KCNK10: variants seen among roughly 807,000 people sequenced by gnomAD.
KCNK10 encodes potassium two pore domain channel subfamily K member 10.
A neutral mutation model predicts 47.7 loss-of-function variants in KCNK10; 25 were observed. The observed-to-expected ratio is 0.52, with a 90% CI of 0.38 to 0.73. The LOEUF (loss-of-function observed/expected upper bound fraction) is 0.73. Ranked by LOEUF, KCNK10 falls within the 30% of genes least tolerant of loss-of-function variation. The pLI is 0.00. For synonymous variants in KCNK10, 303 were observed against 285.6 expected, an observed-to-expected ratio of 1.06 and a Z score of -0.61; for missense variants, 563 against 714.5, an observed-to-expected ratio of 0.79 and a Z score of 2.42.
chr14:88,217,043 G>A (rs1885644228), intron 4 of KCNK10, among the ~76,000 whole-genome samples: 1 of 152,198 alleles, frequency 6.6e-6, no homozygotes, highest in Non-Finnish European at 1.5e-5. Context: ...TGTAGCCGCA[G>A]CTACTCAGGA....
chr14:88,317,992 C>T (rs944571559), intron 1 of KCNK10, among the ~76,000 whole-genome samples: 1 of 152,212 alleles, frequency 6.6e-6, no homozygotes, highest in Non-Finnish European at 1.5e-5. Flanking sequence ...ACCATATCTT[C>T]AGCAGGCTAG....
chr14:88,188,441 CT>C (rs1350602921), intron 5 of KCNK10, among the ~76,000 whole-genome samples: 2 of 152,188 alleles, frequency 1.3e-5, no homozygotes, highest in Admixed American at 6.5e-5. Context: ...CAGATCAGGC[CT>C]GGTTGTCATT....
intron 1 of KCNK10, among the ~76,000 whole-genome samples, chr14:88,268,680 C>T (rs760297981): frequency 3.5e-4 from 54 of 152,296 alleles, no homozygotes; most frequent in Non-Finnish European, 5.6e-4. Context: ...AGTTTCCAAA[C>T]AGCAGTGGAG....
chr14:88,227,243 G>T, intron 4 of KCNK10, 132 bp downstream of exon 4: 3 of 760,586 alleles, frequency 3.9e-6, no homozygotes, highest in Admixed American at 6.5e-5. Flanking sequence ...GGCCAAAACA[G>T]AAAATACAAT....
chr14:88,241,218 T>C (rs187416826), intron 2 of KCNK10, among the ~76,000 whole-genome samples: 38 of 152,376 alleles, frequency 2.5e-4, no homozygotes, highest in Admixed American at 4.6e-4. Context: ...CTTTTCTGTC[T>C]TGTAAGAATG....
intron 4 of KCNK10, among the ~76,000 whole-genome samples, chr14:88,212,133 G>GATATATATATATATATAT (rs1885482897): frequency 1.7e-5 from 1 of 59,854 alleles, no homozygotes; most frequent in Non-Finnish European, 3.9e-5. Flanking sequence ...TATATATATC[G>GATATATATATATATATAT]AGAGAGAGAG....
chr14:88,203,422 T>A (rs1212178275), intron 4 of KCNK10, among the ~76,000 whole-genome samples: 1 of 152,188 alleles, frequency 6.6e-6, no homozygotes, highest in Non-Finnish European at 1.5e-5. Flanking sequence ...CTCCTGGAGG[T>A]CAGGGCAAGC....
upstream of KCNK10, among the ~76,000 whole-genome samples, chr14:88,323,496 C>T (rs1432547979): frequency 1.3e-5 from 2 of 149,960 alleles, no homozygotes; most frequent in Non-Finnish European, 3.0e-5. Context: ...ACCGAGGCTC[C>T]CAGCTGGGAA....
rs1309789318 is a variant in KCNK10 at position 88,322,977 on chromosome 14, G to C, written c.-179C>G. ...GGTGGGAAAATATTAGCTTGGGGGA[G>C]AACTGGAGAGGGCTTGGGTGTTTGC... On this transcript the variant is annotated 5_prime_UTR_variant, in exon 1 of 7. Transcript: ENST00000319231. The surrounding 1 kb of genome is among the most constrained non-coding windows in gnomAD (Gnocchi z 4.8). The C allele has an allele frequency of 4.9e-6, 7 of 1,441,942 alleles. No homozygotes were observed. The East Asian group carries it at 1.8e-4, about 37-fold the overall frequency. The allele number at this position is 1,441,942 out of a possible 1,614,324, so 89.3% of individuals were successfully genotyped here.
At chr14:88,262,523 C>T (rs547157097) in intron 2 of KCNK10, among the ~76,000 whole-genome samples, 3 of 152,312 alleles carry the variant, frequency 2.0e-5, no homozygotes, top group African/African-American at 4.8e-5. Context: ...CCACATCTGT[C>T]GCCCAGAAGT....
chr14:88,282,760 C>A (rs927482937), intron 1 of KCNK10, among the ~76,000 whole-genome samples: 3 of 152,138 alleles, frequency 2.0e-5, no homozygotes, highest in African/African-American at 4.8e-5. Context: ...AGAAAGGCAC[C>A]ACCTTGAAAA....
chr14:88,278,402 T>G (rs1887574946), intron 1 of KCNK10, among the ~76,000 whole-genome samples: 1 of 152,218 alleles, frequency 6.6e-6, no homozygotes, highest in Non-Finnish European at 1.5e-5. Context: ...GTGAACATAT[T>G]TCCATTCAAG....
chr14:88,204,599 C>T (rs1228554414), intron 4 of KCNK10, among the ~76,000 whole-genome samples: 7 of 151,574 alleles, frequency 4.6e-5, no homozygotes, highest in Admixed American at 6.6e-5. Context: ...CCCCTACCCC[C>T]GCTGCAGGCA....
chr14:88,295,152 T>C (rs1438231328), intron 1 of KCNK10, among the ~76,000 whole-genome samples: 1 of 152,208 alleles, frequency 6.6e-6, no homozygotes, highest in African/African-American at 2.4e-5. Flanking sequence ...AGAAAGGTTA[T>C]TGTTCTGGCC....
chr14:88,314,540 AT>A (rs1888390287), intron 1 of KCNK10, among the ~76,000 whole-genome samples: 1 of 152,230 alleles, frequency 6.6e-6, no homozygotes, highest in South Asian at 2.1e-4. Flanking sequence ...ATTCCAAGCC[AT>A]GTTCTTTCAC....
intron 2 of KCNK10, among the ~76,000 whole-genome samples, chr14:88,248,695 C>T (rs528103528): frequency 2.0e-5 from 3 of 152,022 alleles, no homozygotes; most frequent in Middle Eastern, 6.8e-3. Flanking sequence ...TGCTACTTTA[C>T]TCCAGCCTCC....
intron 4 of KCNK10, among the ~76,000 whole-genome samples, chr14:88,210,704 A>G (rs1885427334): frequency 6.6e-6 from 1 of 152,142 alleles, no homozygotes; most frequent in African/African-American, 2.4e-5. Context: ...AAGCAAGGCT[A>G]ACGGCACAGC....
At chr14:88,232,340 A>T (rs1886181091) in intron 3 of KCNK10, among the ~76,000 whole-genome samples, 1 of 152,252 alleles carries the variant, frequency 6.6e-6, no homozygotes, top group Non-Finnish European at 1.5e-5. Flanking sequence ...AATGAAATAC[A>T]CAGCTCCTCA....
chr14:88,205,073 C>T (rs1001860123), intron 4 of KCNK10, among the ~76,000 whole-genome samples: 14 of 152,230 alleles, frequency 9.2e-5, no homozygotes, highest in Non-Finnish European at 1.5e-4. Flanking sequence ...TCTTGGCAAT[C>T]ATGGATCTTT....
Sources: allele counts gnomAD v4.1 joint callset (sites outside exome capture counted in the v4.1 genomes callset), GRCh38; gene constraint gnomAD v4.1.1; non-coding constraint Gnocchi (gnomAD v3.1); transcripts MANE v1.5; gene names NCBI Gene and HGNC (gene_info 2026-07-23, HGNC 2026-07-21).